Variants in ADGRL3 observed in about 807,000 individuals in gnomAD.
The protein encoded by ADGRL3 is calcium-independent alpha-latrotoxin receptor 3.
Under a neutral mutation model 153.5 loss-of-function variants are expected in ADGRL3, and 62 were observed. That is an observed-to-expected ratio of 0.40 (90% CI 0.33 to 0.50). ADGRL3 has a LOEUF of 0.50. Among genes scored for constraint, ADGRL3 ranks in the 20% least tolerant of loss-of-function variants. The pLI is 0.47. For missense variants in ADGRL3, 1,641 were observed against 1,859.4 expected (o/e 0.88, Z 2.16); for synonymous variants, 710 against 672.5 (o/e 1.06, Z -0.86).
intron 13 of ADGRL3, among the ~76,000 whole-genome samples, chr4:61,921,298 A>G (rs1175054032): frequency 6.6e-6 from 1 of 152,102 alleles, no homozygotes; most frequent in Non-Finnish European, 1.5e-5. Flanking sequence ...TGCTAACTCC[A>G]GGGCACGCCA....
At chr4:61,409,165 A>G (rs951311499) in intron 2 of ADGRL3, among the ~76,000 whole-genome samples, 19 of 144,718 alleles carry the variant, frequency 1.3e-4, no homozygotes, top group Non-Finnish European at 1.3e-4. Flanking sequence ...AATCCCAGTT[A>G]GTTGAAAAAT....
intron 20 of ADGRL3, among the ~76,000 whole-genome samples, chr4:61,997,026 G>A (rs1434926990): frequency 6.6e-6 from 1 of 151,966 alleles, no homozygotes; most frequent in Non-Finnish European, 1.5e-5. Context: ...ATTGACTTTG[G>A]ATAAATATAG....
At chr4:61,713,069 A>T (rs1216434704) in intron 6 of ADGRL3, among the ~76,000 whole-genome samples, 1 of 152,178 alleles carries the variant, frequency 6.6e-6, no homozygotes, top group Non-Finnish European at 1.5e-5. Flanking sequence ...ATAAATATGT[A>T]ATGATAAAAC....
At chr4:62,015,732 T>G (rs2099208260) in intron 21 of ADGRL3, among the ~76,000 whole-genome samples, 1 of 152,136 alleles carries the variant, frequency 6.6e-6, no homozygotes, top group African/African-American at 2.4e-5. Flanking sequence ...CTAGATTTTC[T>G]CTCTCTCTTC....
intron 21 of ADGRL3, among the ~76,000 whole-genome samples, chr4:62,010,871 T>C (rs557423052): frequency 1.3e-5 from 2 of 152,158 alleles, no homozygotes; most frequent in Non-Finnish European, 1.5e-5. Context: ...TTAACTTTTT[T>C]ATTCACTTTT....
chr4:61,316,434 C>T (rs769280457), intron 1 of ADGRL3, among the ~76,000 whole-genome samples: 7 of 152,058 alleles, frequency 4.6e-5, no homozygotes, highest in Non-Finnish European at 1.0e-4. Context: ...TTAGGTTGGT[C>T]AAAAGTAGTC....
intron 11 of ADGRL3, among the ~76,000 whole-genome samples, chr4:61,905,202 A>C (rs2098689544): frequency 6.6e-6 from 1 of 152,268 alleles, no homozygotes; most frequent in Middle Eastern, 3.4e-3. Context: ...AGTTTTGCAA[A>C]GTATGAGTTG....
chr4:61,763,736 C>T (rs995676761), intron 8 of ADGRL3, among the ~76,000 whole-genome samples: 3 of 152,036 alleles, frequency 2.0e-5, no homozygotes, highest in African/African-American at 7.2e-5. Flanking sequence ...GAAACACACA[C>T]ATAAACACTA....
chr4:61,428,996 A>G (rs1235211365), intron 2 of ADGRL3, among the ~76,000 whole-genome samples: 1 of 152,008 alleles, frequency 6.6e-6, no homozygotes, highest in African/African-American at 2.4e-5. Context: ...TAATGAAAAA[A>G]AGCATTTTTC....
chr4:61,337,333 T>G (rs1403340263), intron 1 of ADGRL3, among the ~76,000 whole-genome samples: 1 of 152,156 alleles, frequency 6.6e-6, no homozygotes, highest in Non-Finnish European at 1.5e-5. Context: ...AGCAGACAAG[T>G]GACAGTTACA....
At chr4:61,297,563 CA>C (rs1442743449) in intron 1 of ADGRL3, among the ~76,000 whole-genome samples, 12 of 151,864 alleles carry the variant, frequency 7.9e-5, no homozygotes, top group African/African-American at 2.7e-4. Context: ...TTTAACAAAA[CA>C]TTTTTTTTCC....
At chr4:61,908,338 T>C (rs1560358416) in intron 11 of ADGRL3, among the ~76,000 whole-genome samples, 1 of 152,186 alleles carries the variant, frequency 6.6e-6, no homozygotes, top group East Asian at 1.9e-4. Flanking sequence ...GGCTCATGCC[T>C]GTAATCCCAT....
intron 9 of ADGRL3, among the ~76,000 whole-genome samples, chr4:61,891,844 C>T (rs1211421637): frequency 3.3e-5 from 5 of 152,008 alleles, no homozygotes; most frequent in South Asian, 4.1e-4. Context: ...ATATATTTTC[C>T]GAGAAAGATG....
intron 2 of ADGRL3, among the ~76,000 whole-genome samples, chr4:61,424,782 G>A (rs1270892835): frequency 6.6e-6 from 1 of 152,144 alleles, no homozygotes; most frequent in African/African-American, 2.4e-5. Flanking sequence ...GCCAAGCTGT[G>A]TGCTCTGCAA....
chr4:61,739,224 GT>G (rs897404865), intron 8 of ADGRL3, among the ~76,000 whole-genome samples: 23 of 151,644 alleles, frequency 1.5e-4, no homozygotes, highest in African/African-American at 5.6e-4. Context: ...TTTATAAAAA[GT>G]TTTTTTTGGA....
chr4:61,641,673 A>G (rs2093681205), intron 5 of ADGRL3, among the ~76,000 whole-genome samples: 2 of 151,678 alleles, frequency 1.3e-5, no homozygotes, highest in Non-Finnish European at 2.9e-5. Flanking sequence ...CATTTTCTTA[A>G]TCCAGTCTAT....
chr4:61,671,682 G>T (rs2095006354), intron 5 of ADGRL3, among the ~76,000 whole-genome samples: 1 of 152,114 alleles, frequency 6.6e-6, no homozygotes, highest in Non-Finnish European at 1.5e-5. Context: ...ATGACTGAAT[G>T]AATTCTGGGG....
At chr4:61,346,140 C>T (rs2095899067) in intron 1 of ADGRL3, among the ~76,000 whole-genome samples, 2 of 151,950 alleles carry the variant, frequency 1.3e-5, no homozygotes, top group Admixed American at 1.3e-4. Flanking sequence ...CTGGTATGCA[C>T]CTATAGTTCC....
At chr4:61,409,867 A>T (rs1469716306) in intron 2 of ADGRL3, among the ~76,000 whole-genome samples, 1 of 152,006 alleles carries the variant, frequency 6.6e-6, no homozygotes, top group Non-Finnish European at 1.5e-5. Context: ...TTTTTAATTC[A>T]ATTTTTATAG....
Sources: gnomAD v4.1 joint callset for allele counts (sites outside exome capture counted in the v4.1 genomes callset) on GRCh38, gnomAD v4.1.1 for gene constraint, MANE v1.5 for transcripts, NCBI Gene and HGNC (gene_info 2026-07-23, HGNC 2026-07-21) for gene names.